The following DCDC2 variants were observed in gnomAD, a reference collection of about 807,000 sequenced individuals.
DCDC2 encodes doublecortin domain-containing protein 2.
Under a neutral mutation model 50.2 loss-of-function variants are expected in DCDC2, and 40 were observed. That is an observed-to-expected ratio of 0.80 (90% CI 0.62 to 1.04). The LOEUF is 1.04. Ranked by LOEUF, DCDC2 falls within the 50% of genes least tolerant of loss-of-function variation. The pLI is 0.00. For synonymous variants in DCDC2, 234 were observed against 210.6 expected (o/e 1.11, Z -0.96); for missense variants, 570 against 581.9 (o/e 0.98, Z 0.21).
At chr6:24,273,470 G>A (rs939089916) in intron 7 of DCDC2, among the ~76,000 whole-genome samples, 1 of 152,192 alleles carries the variant, frequency 6.6e-6, no homozygotes, top group Admixed American at 6.5e-5. Context: ...CTGGTATAGG[G>A]TGAATGTGGT....
intron 7 of DCDC2, among the ~76,000 whole-genome samples, chr6:24,216,521 G>C (rs551820810): frequency 1.3e-5 from 2 of 152,308 alleles, no homozygotes; most frequent in East Asian, 3.9e-4. Flanking sequence ...AATTAGTGAA[G>C]ACAAGCAGTA....
intron 2 of DCDC2, among the ~76,000 whole-genome samples, chr6:24,323,336 A>G (rs1759803472): frequency 1.3e-5 from 2 of 152,370 alleles, no homozygotes; most frequent in African/African-American, 4.8e-5. Context: ...CTAAGGAGAT[A>G]GGAACACCAA....
intron 8 of DCDC2, among the ~76,000 whole-genome samples, chr6:24,200,755 T>G (rs1561887610): frequency 6.6e-6 from 1 of 151,446 alleles, no homozygotes; most frequent in Non-Finnish European, 1.5e-5. Flanking sequence ...AGGAGACTCA[T>G]CTCATGTGCA....
In DCDC2 at chr6:24,324,108, G is replaced by A. The variant is rs532972932; in HGVS notation, c.349-22064C>T. On this transcript the variant is annotated intron_variant, in intron 2 of 9. Coordinates refer to ENST00000378454, the MANE Select transcript of DCDC2 (RefSeq NM_016356.5). ...GGAAAAATATTTGCATTCCCTAAGGGTAGAGCTGGGTCAAAAGAACCTCAC... is the reference window on the plus strand; with the variant it reads ...GGAAAAATATTTGCATTCCCTAAGGATAGAGCTGGGTCAAAAGAACCTCAC... Among the ~76,000 whole-genome samples, 6 of 152,272 alleles carry A rather than the reference G, an allele frequency of 3.9e-5. No individual in the cohort carries two copies. The South Asian group carries it at 1.2e-3, about 32-fold the overall frequency.
intron 6 of DCDC2, 85 bp downstream of exon 6, chr6:24,288,767 T>C (rs1368132035): frequency 1.6e-6 from 2 of 1,289,082 alleles, no homozygotes; most frequent in East Asian, 2.4e-5. Context: ...TTTTATCTCT[T>C]GGAACTTAAT....
chr6:24,178,296 C>T (rs772655581), intron 9 of DCDC2, 34 bp downstream of exon 9: 3 of 1,591,764 alleles, frequency 1.9e-6, no homozygotes, highest in African/African-American at 1.3e-5. Flanking sequence ...CATATTCATG[C>T]ATTCACATAA....
intron 6 of DCDC2, among the ~76,000 whole-genome samples, chr6:24,281,808 C>T (rs1486305740): frequency 2.6e-5 from 4 of 152,080 alleles, no homozygotes; most frequent in South Asian, 2.1e-4. Context: ...AGAAATAAAA[C>T]GATATCACTG....
intron 7 of DCDC2, among the ~76,000 whole-genome samples, chr6:24,248,220 G>A (rs1762725489): frequency 6.6e-6 from 1 of 152,180 alleles, no homozygotes; most frequent in African/African-American, 2.4e-5. Flanking sequence ...GAAGTTCTTA[G>A]TAGACAGCCA....
At chr6:24,230,480 A>G (rs1762318160) in intron 7 of DCDC2, among the ~76,000 whole-genome samples, 1 of 152,034 alleles carries the variant, frequency 6.6e-6, no homozygotes, top group African/African-American at 2.4e-5. Flanking sequence ...CGCCACTACA[A>G]AAAAATAAAT....
intron 7 of DCDC2, among the ~76,000 whole-genome samples, chr6:24,257,720 G>A (rs557804589): frequency 1.3e-5 from 2 of 149,110 alleles, no homozygotes; most frequent in African/African-American, 2.5e-5. Context: ...GGCCATGAAA[G>A]TGACAAGCTT....
intron 4 of DCDC2, among the ~76,000 whole-genome samples, chr6:24,296,180 AC>A (rs1388623696): frequency 6.6e-6 from 1 of 152,194 alleles, no homozygotes; most frequent in Non-Finnish European, 1.5e-5. Flanking sequence ...CAGTACACCT[AC>A]TTCCATCTGT....
At chr6:24,257,527 G>A (rs1011634538) in intron 7 of DCDC2, among the ~76,000 whole-genome samples, 1 of 152,118 alleles carries the variant, frequency 6.6e-6, no homozygotes, top group African/African-American at 2.4e-5. Flanking sequence ...CTCAACTCTG[G>A]GAGTCTCAGA....
chr6:24,271,207 CAAAAAA>C (rs543819229), intron 7 of DCDC2, among the ~76,000 whole-genome samples: 11 of 39,410 alleles, frequency 2.8e-4, no homozygotes, highest in Non-Finnish European at 4.6e-4. Context: ...GACACTCCCT[CAAAAAA>C]AAAAAAAAAA....
intron 6 of DCDC2, among the ~76,000 whole-genome samples, chr6:24,284,025 A>C (rs1763536640): frequency 6.6e-6 from 1 of 152,118 alleles, no homozygotes; most frequent in Non-Finnish European, 1.5e-5. Context: ...CGTATTGTGC[A>C]TTTGTTTCTG....
chr6:24,246,206 C>T (rs1464582126), intron 7 of DCDC2, among the ~76,000 whole-genome samples: 1 of 151,986 alleles, frequency 6.6e-6, no homozygotes, highest in African/African-American at 2.4e-5. Flanking sequence ...CATGAGAGAT[C>T]AAATCCCATC....
intron 7 of DCDC2, among the ~76,000 whole-genome samples, chr6:24,244,835 G>C (rs905856461): frequency 1.3e-5 from 2 of 152,192 alleles, no homozygotes; most frequent in African/African-American, 4.8e-5. Flanking sequence ...GTAGCATAAT[G>C]GATTGAGGTG....
At chr6:24,213,440 T>C (rs1391502491) in intron 7 of DCDC2, among the ~76,000 whole-genome samples, 1 of 152,112 alleles carries the variant, frequency 6.6e-6, no homozygotes, top group Non-Finnish European at 1.5e-5. Context: ...ACATTCAATA[T>C]ATAAAATAAT....
the DCDC2 span, among the ~76,000 whole-genome samples, chr6:24,377,224 C>T: frequency 1.3e-5 from 2 of 152,192 alleles, no homozygotes; most frequent in Non-Finnish European, 2.9e-5. Flanking sequence ...TTTTCCTATG[C>T]CAGATAGCAT....
intron 7 of DCDC2, among the ~76,000 whole-genome samples, chr6:24,214,138 CTG>C (rs1251890826): frequency 1.3e-5 from 2 of 152,278 alleles, no homozygotes; most frequent in East Asian, 3.9e-4. Context: ...GTATTCTTAA[CTG>C]TAGTTTGAAA....
Sources: gnomAD v4.1 joint callset for allele counts (sites outside exome capture counted in the v4.1 genomes callset) on GRCh38, gnomAD v4.1.1 for gene constraint, MANE v1.5 for transcripts, NCBI Gene and HGNC (gene_info 2026-07-23, HGNC 2026-07-21) for gene names.